The following LINGO2 variants were observed in gnomAD, a reference collection of about 807,000 sequenced individuals.
LINGO2 encodes leucine rich repeat and Ig domain containing 2.
In LINGO2, 14 loss-of-function variants were observed where a neutral mutation model predicts 30.6. The observed-to-expected ratio is 0.46, with a 90% CI of 0.30 to 0.72. The LOEUF (loss-of-function observed/expected upper bound fraction) is 0.72. Ranked by LOEUF, LINGO2 falls within the 30% of genes least tolerant of loss-of-function variation. The pLI, the probability that LINGO2 is intolerant of heterozygous loss-of-function variation, is 0.07. For synonymous variants in LINGO2, 317 were observed against 288.5 expected (o/e 1.10, Z -1.00); for missense variants, 729 against 751.7 (o/e 0.97, Z 0.35).
At chr9:29,071,482 C>CAT in the LINGO2 span, among the ~76,000 whole-genome samples, 3,100 of 120,006 alleles carry the variant, frequency 0.026, 47 homozygotes, top group African/African-American at 0.046. Flanking sequence ...ATTAACTGGT[C>CAT]ATATATATAT....
chr9:28,681,988 G>A, the LINGO2 span, among the ~76,000 whole-genome samples: 4 of 152,070 alleles, frequency 2.6e-5, no homozygotes. Flanking sequence ...GAGGTAGAGT[G>A]ACTTACTGAC....
At chr9:28,997,994 G>C in the LINGO2 span, among the ~76,000 whole-genome samples, 3 of 152,228 alleles carry the variant, frequency 2.0e-5, no homozygotes, top group East Asian at 5.8e-4. Flanking sequence ...CTTTACAAGA[G>C]AGTAAAGTAA....
the LINGO2 span, among the ~76,000 whole-genome samples, chr9:28,746,528 G>T: frequency 6.6e-6 from 1 of 151,926 alleles, no homozygotes; most frequent in East Asian, 1.9e-4. Context: ...GAATGATAAT[G>T]TAGTTGCTTT....
At chr9:28,954,429 T>G in the LINGO2 span, among the ~76,000 whole-genome samples, 1 of 152,142 alleles carries the variant, frequency 6.6e-6, no homozygotes, top group Non-Finnish European at 1.5e-5. Context: ...TAAAAAATAA[T>G]GCATACTACT....
intron 3 of LINGO2, among the ~76,000 whole-genome samples, chr9:28,313,350 C>T (rs530640936): frequency 6.6e-6 from 1 of 152,212 alleles, no homozygotes; most frequent in South Asian, 2.1e-4. Flanking sequence ...GGGAAAGATC[C>T]AGAAGGCCCA....
the LINGO2 span, among the ~76,000 whole-genome samples, chr9:28,935,787 T>C: frequency 6.6e-6 from 1 of 152,032 alleles, no homozygotes; most frequent in Non-Finnish European, 1.5e-5. Context: ...TATAATTCAT[T>C]TTGATAAAAA....
chr9:28,446,586 G>T (rs557630034), intron 2 of LINGO2, among the ~76,000 whole-genome samples: 2 of 152,142 alleles, frequency 1.3e-5, no homozygotes, highest in East Asian at 3.9e-4. Flanking sequence ...AACCTCTTTT[G>T]ACTCTATTCA....
At chr9:28,094,825 T>C (rs2133283264) in intron 4 of LINGO2, among the ~76,000 whole-genome samples, 1 of 152,186 alleles carries the variant, frequency 6.6e-6, no homozygotes, top group South Asian at 2.1e-4. Context: ...AAGCTAATTG[T>C]GAAGTTCTTA....
chr9:28,043,487 T>C (rs545395754), intron 4 of LINGO2, among the ~76,000 whole-genome samples: 1 of 152,292 alleles, frequency 6.6e-6, no homozygotes, highest in African/African-American at 2.4e-5. Flanking sequence ...TGGAAACAAA[T>C]TACGTAAATG....
the LINGO2 span, among the ~76,000 whole-genome samples, chr9:28,947,852 A>G: frequency 8.6e-5 from 13 of 152,042 alleles, no homozygotes; most frequent in African/African-American, 1.2e-4. Flanking sequence ...GGATGCTCCA[A>G]CTTCATTTGG....
intron 1 of LINGO2, among the ~76,000 whole-genome samples, chr9:28,518,845 GT>G (rs1394364017): frequency 6.6e-6 from 1 of 152,124 alleles, no homozygotes; most frequent in Middle Eastern, 3.2e-3. Flanking sequence ...TCTTATGTCA[GT>G]TTAATTCTTA....
the LINGO2 span, among the ~76,000 whole-genome samples, chr9:28,917,010 A>G: frequency 4.8e-4 from 73 of 152,298 alleles, no homozygotes; most frequent in Admixed American, 2.2e-3. Flanking sequence ...ATGTTCAACT[A>G]ATAATTCCCA....
At chr9:28,054,984 T>C (rs1334861303) in intron 4 of LINGO2, among the ~76,000 whole-genome samples, 2 of 152,016 alleles carry the variant, frequency 1.3e-5, no homozygotes, top group Non-Finnish European at 2.9e-5. Context: ...ACATAAGCTT[T>C]ACTGAAATTT....
intron 5 of LINGO2, among the ~76,000 whole-genome samples, chr9:27,981,543 A>G (rs567250737): frequency 8.3e-6 from 1 of 120,968 alleles, no homozygotes; most frequent in Non-Finnish European, 1.8e-5. Flanking sequence ...GCAAAAAAAA[A>G]AAAAAAAGAA....
At chr9:29,012,761 G>T in the LINGO2 span, among the ~76,000 whole-genome samples, 1 of 152,156 alleles carries the variant, frequency 6.6e-6, no homozygotes, top group African/African-American at 2.4e-5. Flanking sequence ...TTCATTCAAA[G>T]TAACTGTCAC....
chr9:28,411,263 G>C (rs1300950876), intron 2 of LINGO2, among the ~76,000 whole-genome samples: 1 of 151,690 alleles, frequency 6.6e-6, no homozygotes, highest in Non-Finnish European at 1.5e-5. Context: ...CTTTTTTTTA[G>C]GATCTATTTC....
the LINGO2 span, among the ~76,000 whole-genome samples, chr9:28,788,336 A>T: frequency 1.3e-5 from 2 of 152,202 alleles, no homozygotes; most frequent in African/African-American, 4.8e-5. Context: ...CCATATTTTT[A>T]AAGTAAATTG....
intron 5 of LINGO2, among the ~76,000 whole-genome samples, chr9:28,006,039 A>C (rs1271735139): frequency 6.6e-6 from 1 of 152,152 alleles, no homozygotes; most frequent in Non-Finnish European, 1.5e-5. Context: ...ACTGGGGTAA[A>C]AGGAAGAATG....
At chr9:28,532,391 T>G (rs1191192027) in intron 1 of LINGO2, among the ~76,000 whole-genome samples, 2 of 152,166 alleles carry the variant, frequency 1.3e-5, no homozygotes, top group African/African-American at 4.8e-5. Flanking sequence ...GTTGTTAATA[T>G]TTTTTGTGGT....
Sources: gnomAD v4.1 joint callset for allele counts (sites outside exome capture counted in the v4.1 genomes callset) on GRCh38, gnomAD v4.1.1 for gene constraint, MANE v1.5 for transcripts, NCBI Gene and HGNC (gene_info 2026-07-23, HGNC 2026-07-21) for gene names.